Variants in IFT80 observed in about 807,000 individuals in gnomAD.
IFT80 encodes intraflagellar transport protein 80 homolog.
IFT80 carries 79 observed loss-of-function variants against 107.9 expected under a neutral mutation model. The ratio of observed to expected loss-of-function variants is 0.73; its 90% CI spans 0.61 to 0.88. IFT80 has a LOEUF of 0.88. IFT80 is among the 40% of genes least tolerant of loss of function. IFT80 has a pLI of 0.00. For synonymous variants in IFT80, 299 were observed against 300.9 expected (o/e 0.99, Z 0.07); for missense variants, 797 against 914.2 (o/e 0.87, Z 1.65).
At chr3:160,358,970 A>G (rs183062491) in intron 6 of IFT80, among the ~76,000 whole-genome samples, 1 of 152,306 alleles carries the variant, frequency 6.6e-6, no homozygotes, top group Admixed American at 6.5e-5. Flanking sequence ...GAATAAATAA[A>G]AATTTCCTCA....
chr3:160,364,245 T>C (rs1233665271), intron 6 of IFT80, among the ~76,000 whole-genome samples: 1 of 152,080 alleles, frequency 6.6e-6, no homozygotes, highest in Non-Finnish European at 1.5e-5. Context: ...AACAGATACA[T>C]GAAAAAATGC....
rs897141766 is a variant in IFT80, at chr3:160,314,030, T to C, written c.957+5730A>G. On this transcript the variant is annotated intron_variant, in intron 9 of 19. Coordinates refer to ENST00000326448, the MANE Select transcript of IFT80 (RefSeq NM_020800.3). ...GATCACAATATTTAGACTCCTCAGA[T>C]TGACATAAGTCTAAACATTCTGTTT... 4.6e-5 allele frequency among the ~76,000 whole-genome samples: 7 copies of C among 152,336 alleles called. No homozygotes were observed. The East Asian group carries it at 1.3e-3, about 29-fold the overall frequency.
At chr3:160,322,825 A>G (rs1718355302) in intron 8 of IFT80, among the ~76,000 whole-genome samples, 2 of 152,166 alleles carry the variant, frequency 1.3e-5, no homozygotes, top group African/African-American at 4.8e-5. Flanking sequence ...TTGGTTGCAT[A>G]AATGTCTTCT....
At chr3:160,287,137 C>G (rs573029927) in intron 12 of IFT80, among the ~76,000 whole-genome samples, 1 of 152,188 alleles carries the variant, frequency 6.6e-6, no homozygotes, top group Non-Finnish European at 1.5e-5. Context: ...GGTTAGTGAA[C>G]ACACTGATGA....
intron 11 of IFT80, among the ~76,000 whole-genome samples, chr3:160,301,845 G>A (rs1716451614): frequency 2.0e-5 from 3 of 151,914 alleles, no homozygotes; most frequent in South Asian, 2.1e-4. Flanking sequence ...GATAACTATG[G>A]CAAAGTATGA....
Position 160,258,495 on chromosome 3 carries a change from G to C in IFT80, c.*30C>G, listed in dbSNP as rs1391456246. 2.5e-6 allele frequency: 4 copies of C among 1,613,032 alleles called. No homozygotes were observed. In the East Asian group the frequency reaches 8.9e-5, roughly 36 times the overall value. On this transcript the variant is annotated 3_prime_UTR_variant, in exon 20 of 20. Coordinates refer to ENST00000326448, the MANE Select transcript of IFT80 (RefSeq NM_020800.3). ...TGGTTAATCAGAACGTGTTTCAAAA[G>C]ATAAAATTTCTTAAAGATACGCATG... is the stretch of plus-strand genomic sequence containing the variant.
chr3:160,303,989 G>T lies in IFT80; in HGVS notation c.1077C>A (p.Ser359=). 6.3e-7 allele frequency: 1 copy of T among 1,598,594 alleles called. No individual in the cohort carries two copies. The highest frequency in any genetic ancestry group is 8.6e-7 in the Non-Finnish European group (1 of 1,166,380). Residue 359 remains serine, a splice_region_variant and synonymous_variant, in exon 11 of 20, where the codon TCC becomes TCA. Transcript: ENST00000326448. ...VSTSLQCYVF[S]TKNWNTPIIF... is the part of the protein sequence containing the mutation. ...TAATTGGTGTGTTCCAGTTCTTCGT[G>T]CTAAAAGACAAGTAAAATGGATATT... is the stretch of plus-strand genomic sequence containing the variant.
chr3:160,265,694 A>C (rs949730842), intron 19 of IFT80, among the ~76,000 whole-genome samples: 1 of 152,214 alleles, frequency 6.6e-6, no homozygotes, highest in Admixed American at 6.5e-5. Context: ...CAGGGCTCAT[A>C]AACTAAGTGT....
At chr3:160,277,745 T>A in intron 16 of IFT80, 75 bp from the exon 17 acceptor site, 1 of 896,420 alleles carries the variant, frequency 1.1e-6, no homozygotes, top group Non-Finnish European at 1.8e-6. Context: ...ATTTAAATAC[T>A]CATACTAAAA....
chr3:160,377,554 C>T lies in IFT80; in HGVS notation c.260-14G>A, dbSNP rs758891506. On this transcript the variant is annotated splice_polypyrimidine_tract_variant and intron_variant, in intron 3 of 19. Transcript: ENST00000326448. ...GATGAAATTTACCTGAAAGAAATTA[C>T]ATTTGAAAAATCTATTTTATTTATT... The T allele has an allele frequency of 9.0e-6, 13 of 1,451,094 alleles. No individual in the cohort carries two copies. The highest frequency in any genetic ancestry group is 1.8e-4 in the Middle Eastern group (1 of 5,694). The allele number at this position is 1,451,094 out of a possible 1,614,324, so 89.9% of individuals were successfully genotyped here.
chr3:160,303,434 C>A (rs979262679), intron 11 of IFT80, among the ~76,000 whole-genome samples: 4 of 152,086 alleles, frequency 2.6e-5, no homozygotes, highest in Admixed American at 6.5e-5. Context: ...AGGTCACAGA[C>A]CAGTAGGCCC....
At chr3:160,302,505 G>A (rs1475471227) in intron 11 of IFT80, among the ~76,000 whole-genome samples, 1 of 151,968 alleles carries the variant, frequency 6.6e-6, no homozygotes, top group Non-Finnish European at 1.5e-5. Flanking sequence ...CTATTTGTGA[G>A]TAAACACCCT....
intron 18 of IFT80, among the ~76,000 whole-genome samples, chr3:160,270,402 A>T (rs1160218837): frequency 6.6e-6 from 1 of 152,280 alleles, no homozygotes; most frequent in Non-Finnish European, 1.5e-5. Flanking sequence ...GAGAGATATT[A>T]AACACTTAAT....
intron 16 of IFT80, 135 bp downstream of exon 16, chr3:160,279,058 G>T: frequency 1.5e-6 from 1 of 680,180 alleles, no homozygotes; most frequent in South Asian, 1.9e-5. Flanking sequence ...TATTGCCCAT[G>T]TCTTTACTTA....
intron 9 of IFT80, among the ~76,000 whole-genome samples, chr3:160,311,193 G>C (rs1717221529): frequency 6.6e-6 from 1 of 152,122 alleles, no homozygotes; most frequent in African/African-American, 2.4e-5. Flanking sequence ...GATGGAATCA[G>C]TCAAATACAG....
chr3:160,309,652 G>A (rs1453268366), intron 9 of IFT80, among the ~76,000 whole-genome samples: 3 of 151,750 alleles, frequency 2.0e-5, no homozygotes, highest in Non-Finnish European at 4.4e-5. Flanking sequence ...GTGCCACTGC[G>A]CTCCAGGCTG....
intron 18 of IFT80, chr3:160,274,467 G>A (rs1714076518): frequency 6.6e-6 from 1 of 152,198 alleles, no homozygotes; most frequent in African/African-American, 2.4e-5. Flanking sequence ...TGAAGAGGAG[G>A]AATGCTGCAA....
chr3:160,330,248 G>C (rs980922724), intron 8 of IFT80, among the ~76,000 whole-genome samples: 6 of 152,158 alleles, frequency 3.9e-5, no homozygotes, highest in Non-Finnish European at 7.3e-5. Context: ...CCTGGGGGTA[G>C]GTCTGGATGT....
rs377647849 is a variant in IFT80 at position 160,268,731 on chromosome 3, C to G, written c.2100-195G>C. Reference sequence around the variant, plus strand: ...GGGCCCAGATCAAACATGGCCTCTTCTCCCTGACCAGCTCTTCTTGTAGAA... The same window carrying G: ...GGGCCCAGATCAAACATGGCCTCTTGTCCCTGACCAGCTCTTCTTGTAGAA... On this transcript the variant is annotated intron_variant, in intron 18 of 19. Transcript: ENST00000326448. The G allele has an allele frequency of 5.3e-6, 3 of 562,672 alleles. No individual in the cohort carries two copies. The African/African-American group carries it at 5.6e-5, about 11-fold the overall frequency. The allele number at this position is 562,672 out of a possible 1,614,324, so 34.9% of individuals were successfully genotyped here.
Sources: gnomAD v4.1 joint callset for allele counts (sites outside exome capture counted in the v4.1 genomes callset) on GRCh38, gnomAD v4.1.1 for gene constraint, MANE v1.5 for transcripts, NCBI Gene and HGNC (gene_info 2026-07-23, HGNC 2026-07-21) for gene names.